Variants in USP26 observed in about 807,000 individuals in gnomAD.
The protein encoded by USP26 is ubiquitin specific peptidase 26, also known as ubiquitin carboxyl-terminal hydrolase 26.
For missense variants in USP26, 649 were observed against 642.3 expected (o/e 1.01, Z -0.11); for synonymous variants, 236 against 240.6 (o/e 0.98, Z 0.18).
At chrX:133,091,770 C>T (rs1029055504) in intron 1 of USP26, among the ~76,000 whole-genome samples, 4 of 111,449 alleles carry the variant, frequency 3.6e-5, no homozygotes, top group South Asian at 7.7e-4. Flanking sequence ...GAGGGGGCTG[C>T]CCTTCATAAG....
At chrX:133,067,773 G>C in intron 5 of USP26, among the ~76,000 whole-genome samples, 1 of 111,682 alleles carries the variant, frequency 9.0e-6, no homozygotes, top group East Asian at 2.8e-4. Flanking sequence ...CCTAATGCAT[G>C]TGGGGCTTAA....
intron 5 of USP26, among the ~76,000 whole-genome samples, chrX:133,082,813 A>C (rs1018129952): frequency 8.9e-6 from 1 of 111,746 alleles, no homozygotes; most frequent in Non-Finnish European, 1.9e-5. Flanking sequence ...ATGAAAAATA[A>C]AAGTTTCAAA....
chrX:133,062,957 A>G (rs1289215026), intron 5 of USP26, among the ~76,000 whole-genome samples: 2 of 111,280 alleles, frequency 1.8e-5, no homozygotes, highest in Non-Finnish European at 3.8e-5. Context: ...GTTCTAACCC[A>G]ATGCAAGGAA....
At chrX:133,095,730 C>T (rs191547318) in intron 1 of USP26, among the ~76,000 whole-genome samples, 26 of 111,410 alleles carry the variant, frequency 2.3e-4, no homozygotes, top group Non-Finnish European at 4.3e-4. Context: ...CAAGACTACT[C>T]GGGGAGACTA....
intron 5 of USP26, among the ~76,000 whole-genome samples, chrX:133,064,421 T>C (rs773469246): frequency 7.2e-5 from 8 of 111,773 alleles, no homozygotes; most frequent in Non-Finnish European, 1.3e-4. Flanking sequence ...ATCAACAGAA[T>C]ATACATTCTT....
At chrX:133,080,604 C>T (rs1411730497) in intron 5 of USP26, among the ~76,000 whole-genome samples, 1 of 110,915 alleles carries the variant, frequency 9.0e-6, no homozygotes, top group Admixed American at 9.6e-5. Flanking sequence ...TTTCACAGGC[C>T]CAAAAGAAAT....
At chrX:133,054,264 G>A (rs1052415916) in intron 5 of USP26, among the ~76,000 whole-genome samples, 1 of 111,229 alleles carries the variant, frequency 9.0e-6, no homozygotes, top group Non-Finnish European at 1.9e-5. Flanking sequence ...GGGTTTGACC[G>A]GGTGGGAGTG....
At chrX:133,084,036 G>C (rs769728458) in intron 4 of USP26, among the ~76,000 whole-genome samples, 1 of 111,281 alleles carries the variant, frequency 9.0e-6, no homozygotes, top group African/African-American at 3.3e-5. Flanking sequence ...TTCTATTTGA[G>C]AAATCTGGCA....
intron 5 of USP26, among the ~76,000 whole-genome samples, chrX:133,037,105 T>C (rs1412468703): frequency 8.9e-6 from 1 of 111,936 alleles, no homozygotes; most frequent in African/African-American, 3.2e-5. Context: ...TTGCAAAAAA[T>C]TTCTCCCATT....
At chrX:133,045,427 C>T (rs2148529204) in intron 5 of USP26, among the ~76,000 whole-genome samples, 1 of 112,186 alleles carries the variant, frequency 8.9e-6, no homozygotes, top group Non-Finnish European at 1.9e-5. Context: ...CTGCCCGAGC[C>T]AGCAGTGGCA....
chrX:133,089,022 T>C (rs1334139216), intron 4 of USP26, among the ~76,000 whole-genome samples: 1 of 109,310 alleles, frequency 9.1e-6, no homozygotes, highest in African/African-American at 3.3e-5. Context: ...CCACCTTCCA[T>C]GGTTTAAAGT....
Position 133,047,449 on chromosome X carries a change from G to C in USP26, c.-76-19153C>G, listed in dbSNP as rs1411757376. Among the ~76,000 whole-genome samples, 8 of 112,383 alleles carry C rather than the reference G, an allele frequency of 7.1e-5. No individual in the cohort carries two copies. In the Admixed American group the frequency reaches 7.6e-4, roughly 11 times the overall value. On this transcript the variant is annotated intron_variant, in intron 5 of 5. Transcript: ENST00000511190. Reference sequence around the variant, plus strand: ...AAACCATCTACCCCAACACAGTTTAGTTTCTTCATTAACATGAGTCTACTG... The same window carrying C: ...AAACCATCTACCCCAACACAGTTTACTTTCTTCATTAACATGAGTCTACTG...
chrX:133,068,992 G>A (rs1013135129), intron 5 of USP26, among the ~76,000 whole-genome samples: 2 of 111,572 alleles, frequency 1.8e-5, no homozygotes, highest in African/African-American at 6.5e-5. Flanking sequence ...AGACTCCTAC[G>A]CAAGTAACAT....
intron 5 of USP26, among the ~76,000 whole-genome samples, chrX:133,082,063 G>T (rs1390180378): frequency 4.5e-5 from 5 of 111,800 alleles, no homozygotes; most frequent in African/African-American, 1.6e-4. Flanking sequence ...CCCTTGGGTT[G>T]CTTGTCCAGT....
rs927273749 is a variant in USP26, at chrX:133,092,077, G to A, written c.-392-634C>T. 2.7e-5 allele frequency among the ~76,000 whole-genome samples: 3 copies of A among 111,543 alleles called. No homozygotes were observed. The East Asian group carries it at 8.4e-4, about 31-fold the overall frequency. ...GAGAAACTTCTGAAAATGGTTGGTT[G>A]GATCAAGGTACCCAATCATACAGGG... On this transcript the variant is annotated intron_variant, in intron 1 of 5. Transcript: ENST00000511190.
At chrX:133,064,833 CA>C (rs761677331) in intron 5 of USP26, among the ~76,000 whole-genome samples, 60 of 111,190 alleles carry the variant, frequency 5.4e-4, no homozygotes, top group Admixed American at 2.0e-3. Flanking sequence ...GAAGCAAGAG[CA>C]AGCAAATACA....
chrX:133,082,658 G>T (rs2067574416), intron 5 of USP26, among the ~76,000 whole-genome samples: 1 of 111,797 alleles, frequency 8.9e-6, no homozygotes, highest in Non-Finnish European at 1.9e-5. Flanking sequence ...TAACTGGTTT[G>T]TATACCCAAT....
At chrX:133,057,866 A>ATATATATATATATAT (rs1412413450) in intron 5 of USP26, among the ~76,000 whole-genome samples, 1 of 9,331 alleles carries the variant, frequency 1.1e-4, no homozygotes, top group Non-Finnish European at 1.6e-4. Context: ...ATATATATAT[A>ATATATATATATATAT]TTTTTTTTTT....
chrX:133,041,935 G>A (rs2067421190), intron 5 of USP26, among the ~76,000 whole-genome samples: 1 of 112,527 alleles, frequency 8.9e-6, no homozygotes, highest in Admixed American at 9.3e-5. Context: ...TAGAGAGGCA[G>A]TCTGGCCATA....
Sources: allele counts gnomAD v4.1 joint callset (sites outside exome capture counted in the v4.1 genomes callset), GRCh38; gene constraint gnomAD v4.1.1; transcripts MANE v1.5; gene names NCBI Gene and HGNC (gene_info 2026-07-23, HGNC 2026-07-21).